TENM2: variants seen among roughly 807,000 people sequenced by gnomAD.
The protein encoded by TENM2 is teneurin transmembrane protein 2, also known as teneurin-2.
In TENM2, 52 loss-of-function variants were observed where a neutral mutation model predicts 245.2. The observed-to-expected ratio is 0.21, with a 90% CI of 0.17 to 0.27. The LOEUF (loss-of-function observed/expected upper bound fraction) is 0.27. TENM2 is among the 10% of genes least tolerant of loss of function. The pLI, the probability that TENM2 is intolerant of heterozygous loss-of-function variation, is 1.00. For missense variants in TENM2, 3,046 were observed against 3,666.8 expected, an observed-to-expected ratio of 0.83 and a Z score of 4.37; for synonymous variants, 1,363 against 1,438.9, an observed-to-expected ratio of 0.95 and a Z score of 1.19.
exon 18 of TENM2, chr5:168,203,698 G>C (rs567815338): frequency 1.0e-5 from 16 of 1,606,872 alleles, no homozygotes; most frequent in Non-Finnish European, 1.4e-5. Flanking sequence ...GTGTCTGTCG[G>C]GTTTGAATAT....
intron 2 of TENM2, among the ~76,000 whole-genome samples, chr5:167,859,361 C>G (rs1420794723): frequency 1.3e-5 from 2 of 148,630 alleles, no homozygotes; most frequent in African/African-American, 4.9e-5. Flanking sequence ...CGGCAGCCAC[C>G]CCGTCCGGGA....
intron 1 of TENM2, among the ~76,000 whole-genome samples, chr5:167,353,799 G>A (rs6873023): frequency 0.88 from 134,274 of 151,976 alleles, 59,972 homozygotes; most frequent in East Asian, 0.98. Flanking sequence ...GAGCCACCGC[G>A]CCCGGCCGTA....
At chr5:167,246,048 A>G in the TENM2 span, among the ~76,000 whole-genome samples, 2 of 151,882 alleles carry the variant, frequency 1.3e-5, no homozygotes, top group South Asian at 4.2e-4. Flanking sequence ...GAGATGAGTT[A>G]CTCCTCCTCT....
chr5:167,744,441 C>T (rs538453914), intron 2 of TENM2, among the ~76,000 whole-genome samples: 6 of 152,260 alleles, frequency 3.9e-5, no homozygotes, highest in East Asian at 3.9e-4. Context: ...TTATGGGACT[C>T]TTCAGAACTG....
chr5:168,167,751 C>T (rs1758434133), intron 13 of TENM2, among the ~76,000 whole-genome samples: 1 of 152,180 alleles, frequency 6.6e-6, no homozygotes, highest in African/African-American at 2.4e-5. Flanking sequence ...GCTTGGGCTT[C>T]AGAGTCAGCC....
At chr5:167,314,020 G>T (rs1441554989) in intron 1 of TENM2, among the ~76,000 whole-genome samples, 1 of 152,014 alleles carries the variant, frequency 6.6e-6, no homozygotes, top group Non-Finnish European at 1.5e-5. Flanking sequence ...CCCCCACCCC[G>T]ATACAAAAGG....
At chr5:167,527,028 T>A (rs1176539774) in intron 2 of TENM2, among the ~76,000 whole-genome samples, 1 of 152,118 alleles carries the variant, frequency 6.6e-6, no homozygotes. Context: ...GAATGAACTC[T>A]CTGGACTAAA....
chr5:167,993,094 G>A (rs768954836), exon 5 of TENM2: 39 of 1,613,912 alleles, frequency 2.4e-5, no homozygotes, highest in Non-Finnish European at 3.2e-5. Flanking sequence ...AGCTGAAGAA[G>A]CCCTCCAAAT....
At chr5:167,914,924 T>A (rs1776816411) in intron 3 of TENM2, among the ~76,000 whole-genome samples, 2 of 152,196 alleles carry the variant, frequency 1.3e-5, no homozygotes, top group South Asian at 4.1e-4. Context: ...CAGGTATGAC[T>A]TTATCTTCAC....
Position 167,889,777 on chromosome 5 carries a change from A to G in TENM2, c.712+13582A>G, listed in dbSNP as rs972675440. 3.3e-5 allele frequency among the ~76,000 whole-genome samples: 5 copies of G among 152,198 alleles called. No individual in the cohort carries two copies. In the East Asian group the frequency reaches 9.7e-4, roughly 29 times the overall value. On this transcript the variant is annotated intron_variant, in intron 3 of 28. Coordinates refer to ENST00000518659, the Ensembl canonical transcript of TENM2. ...TAGGCTGGGACACCACCTGTTTACGACATTAGGATGCTGGGTTTCTGATTT... is the reference window on the plus strand; with the variant it reads ...TAGGCTGGGACACCACCTGTTTACGGCATTAGGATGCTGGGTTTCTGATTT...
chr5:168,088,656 G>A (rs1254612471), intron 7 of TENM2, among the ~76,000 whole-genome samples: 1 of 152,164 alleles, frequency 6.6e-6, no homozygotes, highest in Non-Finnish European at 1.5e-5. Flanking sequence ...CTCCCTGAAT[G>A]TTAGGTGTGA....
At chr5:167,526,344 A>G (rs1224402705) in intron 2 of TENM2, among the ~76,000 whole-genome samples, 2 of 146,414 alleles carry the variant, frequency 1.4e-5, no homozygotes, top group Non-Finnish European at 3.0e-5. Flanking sequence ...ACCTATCATT[A>G]TCTGTTTAAG....
At position 167,938,341 on chromosome 5, in the gene TENM2, G is replaced by A. The variant is rs1036151305; in HGVS notation, c.713-14247G>A. ...GCTGGGGTGAGGAGAGGGGAAAGGC[G>A]TTGATGTAGAGTTTAACAATATGCC... On this transcript the variant is annotated intron_variant, in intron 3 of 28. Transcript: ENST00000518659. Among the ~76,000 whole-genome samples, 7 of 152,198 alleles carry A rather than the reference G, an allele frequency of 4.6e-5. No homozygotes were observed. In the South Asian group the frequency reaches 8.3e-4, roughly 18 times the overall value.
chr5:168,238,463 G>T (rs1370939292), intron 25 of TENM2, among the ~76,000 whole-genome samples: 1 of 151,962 alleles, frequency 6.6e-6, no homozygotes, highest in Admixed American at 6.6e-5. Context: ...ATCTTTTTTG[G>T]GTTTCCCATA....
chr5:167,696,055 A>C (rs1451076118), intron 2 of TENM2, among the ~76,000 whole-genome samples: 1 of 152,030 alleles, frequency 6.6e-6, no homozygotes, highest in Non-Finnish European at 1.5e-5. Flanking sequence ...AAAACAAAAA[A>C]AAAACAACAA....
chr5:167,186,488 T>C, the TENM2 span, among the ~76,000 whole-genome samples: 1 of 152,156 alleles, frequency 6.6e-6, no homozygotes, highest in Admixed American at 6.5e-5. Context: ...AAGAATCAGG[T>C]ATTAGAACAA....
chr5:167,987,477 AC>A (rs1273925256), intron 4 of TENM2, among the ~76,000 whole-genome samples: 1 of 151,798 alleles, frequency 6.6e-6, no homozygotes, highest in Admixed American at 6.6e-5. Flanking sequence ...ACAGGTGCCC[AC>A]CACCACACCT....
At chr5:168,122,203 G>A (rs1795516135) in intron 10 of TENM2, among the ~76,000 whole-genome samples, 1 of 151,678 alleles carries the variant, frequency 6.6e-6, no homozygotes, top group Non-Finnish European at 1.5e-5. Context: ...TTGAGACGGA[G>A]TCTCGCTCTG....
intron 9 of TENM2, among the ~76,000 whole-genome samples, chr5:168,098,732 G>A (rs1039516452): frequency 1.3e-5 from 2 of 152,004 alleles, no homozygotes; most frequent in East Asian, 1.9e-4. Flanking sequence ...CTCTATCAGA[G>A]GCAGGTATAG....
Sources: allele counts gnomAD v4.1 joint callset (sites outside exome capture counted in the v4.1 genomes callset), GRCh38; gene constraint gnomAD v4.1.1; transcripts MANE v1.5; gene names NCBI Gene and HGNC (gene_info 2026-07-23, HGNC 2026-07-21).